Variants in RHOT1 observed in about 807,000 individuals in gnomAD.
RHOT1 encodes the protein mitochondrial Rho GTPase 1.
RHOT1 carries 27 observed loss-of-function variants against 95.3 expected under a neutral mutation model. That is an observed-to-expected ratio of 0.28 (90% CI 0.21 to 0.39). The LOEUF (loss-of-function observed/expected upper bound fraction) is 0.39, where lower values mean the gene tolerates loss of function less well. RHOT1 is among the 10% of genes least tolerant of loss of function. The pLI is 1.00. For missense variants in RHOT1, 578 were observed against 786.7 expected (o/e 0.73, Z 3.17); for synonymous variants, 227 against 263.5 (o/e 0.86, Z 1.34).
rs34176535 is a variant in RHOT1, at chr17:32,206,441, C to CTTTTTT, written c.1417-446_1417-441dup. Among the ~76,000 whole-genome samples, 42 of 67,036 alleles carry CTTTTTT rather than the reference C, an allele frequency of 6.3e-4. 2 individuals are homozygous for CTTTTTT. The highest frequency in any genetic ancestry group is 9.3e-4 in the Non-Finnish European group (31 of 33,326). The allele number at this position is 67,036 out of a possible 152,430, so 44.0% of individuals were successfully genotyped here. On this transcript the variant is annotated intron_variant, in intron 16 of 19. Coordinates refer to ENST00000545287, the MANE Select transcript of RHOT1 (RefSeq NM_001033566.3). ...GAAGATACTTATTTGTCTATACTTTCTTTTTTTTTTTTTTTTTTTTTTTTT... is the reference window on the plus strand; with the variant it reads ...GAAGATACTTATTTGTCTATACTTTCTTTTTTTTTTTTTTTTTTTTTTTTTTTTTTT...
chr17:32,178,017 G>T (rs2035162182), intron 6 of RHOT1, among the ~76,000 whole-genome samples: 3 of 151,638 alleles, frequency 2.0e-5, no homozygotes, highest in Admixed American at 2.0e-4. Flanking sequence ...TAGAGACGGG[G>T]TTTCACCATG....
intron 19 of RHOT1, among the ~76,000 whole-genome samples, chr17:32,214,735 T>C (rs1325687541): frequency 1.3e-5 from 2 of 149,858 alleles, no homozygotes. Context: ...AAAAGATTGA[T>C]TGACTAAGTA....
In RHOT1 at chr17:32,193,045, G is replaced by T. The variant is rs1005616682; in HGVS notation, c.640-91G>T. 6 of 752,114 alleles carry T rather than the reference G, an allele frequency of 8.0e-6. No individual in the cohort carries two copies. The South Asian group carries it at 1.1e-4, about 13-fold the overall frequency. The allele number at this position is 752,114 out of a possible 1,614,324, so 46.6% of individuals were successfully genotyped here. A position where few individuals can be genotyped will look rare whatever the true frequency, so the allele number is the denominator to read the frequency against. ...TATGTTTCTTTGGTTGCAATTCATG[G>T]ATTTAATATTGCTTTGTAGATTATC... On this transcript the variant is annotated intron_variant, in intron 9 of 19. Transcript: ENST00000545287.
chr17:32,164,432 C>T (rs2033860301), intron 1 of RHOT1, among the ~76,000 whole-genome samples: 2 of 151,668 alleles, frequency 1.3e-5, no homozygotes. Flanking sequence ...CGGGGTTTCA[C>T]CATGTTGACC....
chr17:32,149,635 A>ATATATGTGTG (rs1445281403), intron 1 of RHOT1, among the ~76,000 whole-genome samples: 19 of 59,080 alleles, frequency 3.2e-4, no homozygotes, highest in Non-Finnish European at 4.8e-4. Context: ...ATATATATAT[A>ATATATGTGTG]TGTGTGTGTG....
At chr17:32,184,979 G>T (rs566356212) in intron 8 of RHOT1, among the ~76,000 whole-genome samples, 1 of 152,252 alleles carries the variant, frequency 6.6e-6, no homozygotes, top group African/African-American at 2.4e-5. Context: ...GGGGTGCAGT[G>T]ACATGATTAC....
intron 1 of RHOT1, chr17:32,159,314 A>T (rs2033302075): frequency 6.5e-6 from 1 of 152,860 alleles, no homozygotes; most frequent in Non-Finnish European, 1.5e-5. Flanking sequence ...AGCCACCATG[A>T]TGGGGCCGGG....
intron 8 of RHOT1, among the ~76,000 whole-genome samples, chr17:32,189,045 A>G (rs1030116631): frequency 1.3e-5 from 2 of 152,260 alleles, no homozygotes; most frequent in African/African-American, 4.8e-5. Context: ...CACGCATGTA[A>G]TCCCAGCACT....
At chr17:32,148,285 G>T (rs911413738) in intron 1 of RHOT1, among the ~76,000 whole-genome samples, 3 of 152,020 alleles carry the variant, frequency 2.0e-5, no homozygotes, top group African/African-American at 4.8e-5. Flanking sequence ...AAAAGAAAAA[G>T]AAAATTCCTT....
intron 9 of RHOT1, 55 bp from the exon 10 acceptor site, chr17:32,193,081 A>G (rs1018069389): frequency 1.2e-5 from 12 of 1,011,726 alleles, no homozygotes; most frequent in Non-Finnish European, 1.7e-5. Flanking sequence ...ATTTTATATT[A>G]TTTGTGGTTT....
At chr17:32,185,709 CTTTTTT>C (rs57965854) in intron 8 of RHOT1, among the ~76,000 whole-genome samples, 1 of 126,752 alleles carries the variant, frequency 7.9e-6, no homozygotes, top group African/African-American at 3.0e-5. Flanking sequence ...TGCCCGGCCT[CTTTTTT>C]TTTTTTTTTT....
At position 32,170,240 on chromosome 17, in the gene RHOT1, C is replaced by T. The variant is rs528172335; in HGVS notation, c.38-803C>T. Among the ~76,000 whole-genome samples, 3 of 152,110 alleles carry T rather than the reference C, an allele frequency of 2.0e-5. No individual in the cohort carries two copies. In the East Asian group the frequency reaches 5.8e-4, roughly 29 times the overall value. ...GACCAGCCTGGCCAACATGGGGAAA[C>T]CCTGTCTCTACTAAAAATACAAAAA... On this transcript the variant is annotated intron_variant, in intron 1 of 19. Coordinates refer to ENST00000545287, the MANE Select transcript of RHOT1 (RefSeq NM_001033566.3).
chr17:32,193,232 T>C lies in RHOT1; in HGVS notation c.736T>C (p.Leu246=). Residue 246 remains leucine, a synonymous_variant, in exon 10 of 20, where the codon TTG becomes CTG. Coordinates refer to ENST00000545287, the MANE Select transcript of RHOT1 (RefSeq NM_001033566.3). ...AAGTGATGGTGTGGCTGACAGTGGG[T>C]TGACCCTGAAAGGTGGGTAAATGGT... is the stretch of plus-strand genomic sequence containing the variant. ...HISDGVADSG[L]TLKGFLFLHT... 6.2e-7 allele frequency: 1 copy of C among 1,609,490 alleles called. No individual in the cohort carries two copies. Among genetic ancestry groups the C allele is most frequent in the Non-Finnish European group, 8.5e-7 (1 of 1,176,192 alleles).
chr17:32,162,591 A>G (rs2033663460), intron 1 of RHOT1, among the ~76,000 whole-genome samples: 1 of 152,182 alleles, frequency 6.6e-6, no homozygotes. Flanking sequence ...GATGTCGAAA[A>G]TAACAGCAGT....
chr17:32,191,652 ATAAT>A (rs1345327744), intron 8 of RHOT1, among the ~76,000 whole-genome samples: 1 of 152,258 alleles, frequency 6.6e-6, no homozygotes, highest in Non-Finnish European at 1.5e-5. Context: ...TAAAGTATAA[ATAAT>A]TCTTATACTA....
At chr17:32,163,541 G>A (rs1039954325) in intron 1 of RHOT1, among the ~76,000 whole-genome samples, 1 of 152,050 alleles carries the variant, frequency 6.6e-6, no homozygotes, top group Non-Finnish European at 1.5e-5. Flanking sequence ...GACCAGCCTG[G>A]CCAATATGGT....
intron 14 of RHOT1, among the ~76,000 whole-genome samples, chr17:32,201,343 G>A (rs572149038): frequency 9.9e-5 from 15 of 152,242 alleles, no homozygotes; most frequent in African/African-American, 2.2e-4. Context: ...TTGATCTTGC[G>A]TTTTAATTTT....
At chr17:32,176,046 G>A in intron 5 of RHOT1, 31 bp downstream of exon 5, 1 of 1,593,468 alleles carries the variant, frequency 6.3e-7, no homozygotes, top group Non-Finnish European at 8.5e-7. Context: ...CCTATAGTTG[G>A]TTTCAGTGGA....
intron 11 of RHOT1, among the ~76,000 whole-genome samples, chr17:32,194,408 C>G (rs765896036): frequency 1.3e-5 from 2 of 152,226 alleles, no homozygotes; most frequent in Non-Finnish European, 2.9e-5. Context: ...AACCTCAGCA[C>G]TATTGGCATT....
Sources: allele counts gnomAD v4.1 joint callset (sites outside exome capture counted in the v4.1 genomes callset), GRCh38; gene constraint gnomAD v4.1.1; transcripts MANE v1.5; gene names NCBI Gene and HGNC (gene_info 2026-07-23, HGNC 2026-07-21).